RBFOX1: variants seen among roughly 807,000 people sequenced by gnomAD.
The protein encoded by RBFOX1 is RNA binding protein fox-1 homolog 1.
RBFOX1 carries 8 observed loss-of-function variants against 57.7 expected under a neutral mutation model. That is an observed-to-expected ratio of 0.14 (90% CI 0.08 to 0.25). The LOEUF (loss-of-function observed/expected upper bound fraction) is 0.25, where lower values mean the gene tolerates loss of function less well. Among genes scored for constraint, RBFOX1 ranks in the 10% least tolerant of loss-of-function variants. RBFOX1 has a pLI of 1.00. For missense variants in RBFOX1, 611 were observed against 548.5 expected, an observed-to-expected ratio of 1.11 and a Z score of -1.14; for synonymous variants, 326 against 222.4, an observed-to-expected ratio of 1.47 and a Z score of -4.15.
intron 1 of RBFOX1, among the ~76,000 whole-genome samples, chr16:5,374,182 C>G (rs995983758): frequency 1.3e-5 from 2 of 152,254 alleles, no homozygotes; most frequent in African/African-American, 2.4e-5. Flanking sequence ...AGCTGTTCCA[C>G]CCACCTCGGC....
intron 3 of RBFOX1, among the ~76,000 whole-genome samples, chr16:5,782,436 C>T (rs1597231142): frequency 6.6e-6 from 1 of 152,234 alleles, no homozygotes; most frequent in East Asian, 1.9e-4. Context: ...GAGGGCAGAG[C>T]CCTTATGATT....
At chr16:7,182,457 A>T (rs531691189) in intron 4 of RBFOX1, among the ~76,000 whole-genome samples, 1 of 152,184 alleles carries the variant, frequency 6.6e-6, no homozygotes, top group South Asian at 2.1e-4. Context: ...CAGCAGCTGA[A>T]TTTCTGTTGT....
intron 1 of RBFOX1, among the ~76,000 whole-genome samples, chr16:6,192,958 C>T (rs949174393): frequency 6.6e-6 from 1 of 152,124 alleles, no homozygotes. Flanking sequence ...TGTCCCAACT[C>T]AGTGTGTTGG....
At chr16:6,796,030 G>A (rs2083936852) in intron 3 of RBFOX1, among the ~76,000 whole-genome samples, 1 of 151,528 alleles carries the variant, frequency 6.6e-6, no homozygotes, top group African/African-American at 2.4e-5. Context: ...TCATGCTGCT[G>A]ACAAAGACAT....
intron 3 of RBFOX1, among the ~76,000 whole-genome samples, chr16:6,852,831 T>A (rs1409816087): frequency 6.6e-6 from 1 of 151,668 alleles, no homozygotes; most frequent in Non-Finnish European, 1.5e-5. Context: ...GAAACTGCTT[T>A]CCAGGTGAGG....
rs568271563 is a variant in RBFOX1, at chr16:5,369,718, C to T, written c.220-97498C>T. 3.3e-5 allele frequency among the ~76,000 whole-genome samples: 5 copies of T among 152,286 alleles called. No homozygotes were observed. The East Asian group carries it at 9.7e-4, about 29-fold the overall frequency. ...TTCAGAGGTGGGTCTCAGTCAGGAT[C>T]CTTTGTGTGGTTGAAGCCACCCTTT... On this transcript the variant is annotated intron_variant, in intron 1 of 2. Transcript: ENST00000585867.
rs527634529 is a variant in RBFOX1, at chr16:7,447,364, C to T, written c.28-70783C>T. On this transcript the variant is annotated intron_variant, in intron 4 of 15. Coordinates refer to ENST00000550418, the MANE Select transcript of RBFOX1 (RefSeq NM_018723.4). ...AGAAGAATTGCTTGAGCCTGGGAGACGGAGGTTGCAGTGAGCTGAGATCAT... is the reference window on the plus strand; with the variant it reads ...AGAAGAATTGCTTGAGCCTGGGAGATGGAGGTTGCAGTGAGCTGAGATCAT... Among the ~76,000 whole-genome samples the T allele has an allele frequency of 5.6e-5, 8 of 143,314 alleles. No homozygotes were observed. In the East Asian group the frequency reaches 8.5e-4, roughly 15 times the overall value. The allele number at this position is 143,314 out of a possible 152,430, so 94.0% of individuals were successfully genotyped here. A position where few individuals can be genotyped will look rare whatever the true frequency, so the allele number is the denominator to read the frequency against.
chr16:6,927,518 G>A (rs958125243), intron 3 of RBFOX1, among the ~76,000 whole-genome samples: 3 of 149,962 alleles, frequency 2.0e-5, no homozygotes, highest in Non-Finnish European at 3.0e-5. Context: ...GAAGCTCCAT[G>A]TGAGCAGATA....
chr16:5,680,397 A>C (rs2050295977), intron 3 of RBFOX1, among the ~76,000 whole-genome samples: 1 of 152,162 alleles, frequency 6.6e-6, no homozygotes, highest in South Asian at 2.1e-4. Context: ...ACGGATATGG[A>C]TCCATGGGGG....
intron 1 of RBFOX1, among the ~76,000 whole-genome samples, chr16:5,465,771 C>T (rs567298736): frequency 2.6e-5 from 4 of 152,316 alleles, no homozygotes; most frequent in South Asian, 2.1e-4. Context: ...CTCATTGAAT[C>T]GTCACCCTAT....
intron 3 of RBFOX1, among the ~76,000 whole-genome samples, chr16:6,985,674 A>G (rs182883303): frequency 2.0e-5 from 3 of 152,172 alleles, no homozygotes; most frequent in East Asian, 1.9e-4. Flanking sequence ...CAAAAAATAC[A>G]AAAAAGAAAA....
chr16:6,712,435 A>T (rs1210143430), intron 3 of RBFOX1, among the ~76,000 whole-genome samples: 2 of 152,066 alleles, frequency 1.3e-5, no homozygotes, highest in African/African-American at 2.4e-5. Context: ...TCAGAGTTTT[A>T]CTGTGTACCA....
At chr16:6,698,967 A>G (rs1243976235) in intron 3 of RBFOX1, among the ~76,000 whole-genome samples, 1 of 152,178 alleles carries the variant, frequency 6.6e-6, no homozygotes, top group Non-Finnish European at 1.5e-5. Context: ...AGGGGTGATG[A>G]TTGTGAAAAT....
chr16:7,288,316 C>T (rs998935964), intron 4 of RBFOX1, among the ~76,000 whole-genome samples: 6 of 152,142 alleles, frequency 3.9e-5, no homozygotes, highest in African/African-American at 1.4e-4. Context: ...ATGCATCATA[C>T]AATAAAGTAG....
chr16:6,008,189 A>G (rs2094938514), intron 4 of RBFOX1, among the ~76,000 whole-genome samples: 1 of 151,668 alleles, frequency 6.6e-6, no homozygotes, highest in South Asian at 2.1e-4. Flanking sequence ...TGGGTGGCAT[A>G]GTGAAACTGT....
intron 1 of RBFOX1, among the ~76,000 whole-genome samples, chr16:6,110,197 T>TTA (rs1555510403): frequency 7.0e-6 from 1 of 143,486 alleles, no homozygotes; most frequent in Non-Finnish European, 1.6e-5. Flanking sequence ...TTCTTCTTCT[T>TTA]TTTTTTTTTT....
intron 1 of RBFOX1, among the ~76,000 whole-genome samples, chr16:6,034,680 G>T (rs184188318): frequency 6.6e-6 from 1 of 152,146 alleles, no homozygotes; most frequent in Non-Finnish European, 1.5e-5. Context: ...CCTTCATACC[G>T]TAACAGAATG....
At chr16:7,289,413 TATC>T (rs2095715195) in intron 4 of RBFOX1, among the ~76,000 whole-genome samples, 1 of 152,076 alleles carries the variant, frequency 6.6e-6, no homozygotes, top group Admixed American at 6.6e-5. Context: ...CCACCACCAT[TATC>T]ATCATCACCA....
At chr16:6,241,950 T>C (rs1567754802) in intron 1 of RBFOX1, among the ~76,000 whole-genome samples, 1 of 152,156 alleles carries the variant, frequency 6.6e-6, no homozygotes, top group African/African-American at 2.4e-5. Flanking sequence ...AGCAGATAAA[T>C]TGGGAAAGGT....
Sources: allele counts gnomAD v4.1 joint callset (sites outside exome capture counted in the v4.1 genomes callset), GRCh38; gene constraint gnomAD v4.1.1; transcripts MANE v1.5; gene names NCBI Gene and HGNC (gene_info 2026-07-23, HGNC 2026-07-21).